Variants in PTPRD observed in about 807,000 individuals in gnomAD.
PTPRD encodes receptor-type tyrosine-protein phosphatase delta.
PTPRD carries 34 observed loss-of-function variants against 214.5 expected under a neutral mutation model. That is an observed-to-expected ratio of 0.16 (90% CI 0.12 to 0.21). PTPRD has a LOEUF of 0.21. Ranked by LOEUF, PTPRD falls within the 10% of genes least tolerant of loss-of-function variation. PTPRD has a pLI of 1.00. For synonymous variants in PTPRD, 1,128 were observed against 845.7 expected (o/e 1.33, Z -5.79); for missense variants, 2,545 against 2,398.7 (o/e 1.06, Z -1.27).
chr9:10,300,403 C>T (rs960577579), intron 3 of PTPRD, among the ~76,000 whole-genome samples: 2 of 152,110 alleles, frequency 1.3e-5, no homozygotes, highest in African/African-American at 2.4e-5. Context: ...GGAATGCCAG[C>T]AAGACAGAAC....
intron 2 of PTPRD, among the ~76,000 whole-genome samples, chr9:10,573,735 G>GAAATAAGAAAAAATAAT (rs1484032091): frequency 6.6e-6 from 1 of 152,062 alleles, no homozygotes; most frequent in Non-Finnish European, 1.5e-5. Context: ...GTATTTTCTG[G>GAAATAAGAAAAAATAAT]AAATAAGAAA....
At chr9:10,166,003 GTATT>G (rs2099156691) in intron 3 of PTPRD, among the ~76,000 whole-genome samples, 1 of 148,696 alleles carries the variant, frequency 6.7e-6, no homozygotes, top group South Asian at 2.1e-4. Context: ...AAATACAAAA[GTATT>G]TATATATAAT....
At chr9:9,260,223 T>C (rs1052704725) in intron 9 of PTPRD, among the ~76,000 whole-genome samples, 1 of 151,832 alleles carries the variant, frequency 6.6e-6, no homozygotes, top group Non-Finnish European at 1.5e-5. Context: ...AACACTGGGC[T>C]GAATAAAAGC....
At chr9:9,733,250 T>G (rs1244343577) in intron 7 of PTPRD, among the ~76,000 whole-genome samples, 1 of 152,198 alleles carries the variant, frequency 6.6e-6, no homozygotes, top group Non-Finnish European at 1.5e-5. Context: ...AGTGTATTCT[T>G]CTGGGAGGGA....
At chr9:9,896,966 A>T (rs1265158358) in intron 5 of PTPRD, among the ~76,000 whole-genome samples, 2 of 152,068 alleles carry the variant, frequency 1.3e-5, no homozygotes, top group Non-Finnish European at 2.9e-5. Context: ...TAGTTTCTCA[A>T]ATAATCTCTG....
In PTPRD at chr9:8,631,643, A is replaced by C. The variant is rs150881039; in HGVS notation, c.352+1674T>G. Among the ~76,000 whole-genome samples the C allele has an allele frequency of 9.9e-4, 151 of 152,020 alleles. 1 individual carries two copies. Among genetic ancestry groups the C allele is most frequent in the African/African-American group, 3.6e-3 (150 of 41,536 alleles). Reference sequence around the variant, plus strand: ...AGTGCTGGAAATCTCACTTGTATGCAGAAAGCTGATCTAGTCTCTGTTACT... The same window carrying C: ...AGTGCTGGAAATCTCACTTGTATGCCGAAAGCTGATCTAGTCTCTGTTACT... On this transcript the variant is annotated intron_variant, in intron 14 of 45. Transcript: ENST00000381196.
chr9:10,205,058 T>A, intron 3 of PTPRD, among the ~76,000 whole-genome samples: 1 of 152,148 alleles, frequency 6.6e-6, no homozygotes, highest in South Asian at 2.1e-4. Context: ...TTGAGAAGCT[T>A]TGTACTTGTT....
chr9:9,923,973 G>A (rs1602317598), intron 5 of PTPRD, among the ~76,000 whole-genome samples: 1 of 151,892 alleles, frequency 6.6e-6, no homozygotes, highest in African/African-American at 2.4e-5. Flanking sequence ...ACATATGAAG[G>A]ATGGAATTAA....
intron 2 of PTPRD, among the ~76,000 whole-genome samples, chr9:10,509,588 A>G (rs1267230671): frequency 4.7e-5 from 3 of 63,840 alleles, no homozygotes; most frequent in African/African-American, 2.5e-4. Context: ...TATTTTACTC[A>G]CTTACTTACT....
At chr9:10,378,239 A>G (rs1253779148) in intron 2 of PTPRD, among the ~76,000 whole-genome samples, 1 of 152,132 alleles carries the variant, frequency 6.6e-6, no homozygotes, top group East Asian at 1.9e-4. Flanking sequence ...AGCAGGTTGA[A>G]AATATAGTTT....
intron 7 of PTPRD, among the ~76,000 whole-genome samples, chr9:9,691,993 T>A (rs2097280507): frequency 6.6e-6 from 1 of 152,108 alleles, no homozygotes; most frequent in Non-Finnish European, 1.5e-5. Context: ...CCTTTGGGAT[T>A]GTTTGAACTC....
chr9:9,549,891 C>T (rs1569569195), intron 8 of PTPRD, among the ~76,000 whole-genome samples: 1 of 151,898 alleles, frequency 6.6e-6, no homozygotes, highest in Non-Finnish European at 1.5e-5. Flanking sequence ...GCAAAGATTT[C>T]TTAGACATGA....
At chr9:10,336,882 T>G (rs554232784) in intron 3 of PTPRD, among the ~76,000 whole-genome samples, 1 of 151,744 alleles carries the variant, frequency 6.6e-6, no homozygotes, top group African/African-American at 2.4e-5. Context: ...GGGACTAAAG[T>G]CATTCTCTAT....
intron 11 of PTPRD, among the ~76,000 whole-genome samples, chr9:8,930,490 C>T (rs2098944966): frequency 6.6e-6 from 1 of 152,114 alleles, no homozygotes; most frequent in African/African-American, 2.4e-5. Context: ...AATGGGATGG[C>T]TGGGTCAAAT....
chr9:9,207,341 G>A (rs756294980), intron 9 of PTPRD, among the ~76,000 whole-genome samples: 2 of 152,032 alleles, frequency 1.3e-5, no homozygotes, highest in East Asian at 1.9e-4. Context: ...CATAGAATTC[G>A]GGGTGCAGAT....
intron 4 of PTPRD, among the ~76,000 whole-genome samples, chr9:9,963,487 A>G (rs1192895330): frequency 1.3e-5 from 2 of 152,208 alleles, no homozygotes; most frequent in Non-Finnish European, 2.9e-5. Context: ...ACTTAAATGA[A>G]AATGACTGGA....
At chr9:8,662,735 T>C (rs1271261521) in intron 12 of PTPRD, among the ~76,000 whole-genome samples, 1 of 152,212 alleles carries the variant, frequency 6.6e-6, no homozygotes. Context: ...TGTAAGCATC[T>C]GAATTTGTGA....
intron 12 of PTPRD, among the ~76,000 whole-genome samples, chr9:8,640,970 T>G (rs1302297565): frequency 6.8e-6 from 1 of 147,066 alleles, no homozygotes; most frequent in African/African-American, 2.7e-5. Context: ...AGATATGAGG[T>G]AGAGAGAAGA....
intron 39 of PTPRD, among the ~76,000 whole-genome samples, chr9:8,350,827 T>C (rs892154123): frequency 3.3e-5 from 5 of 152,138 alleles, no homozygotes; most frequent in African/African-American, 1.2e-4. Flanking sequence ...CGCAGTCAAA[T>C]TTGTCCATGC....
Sources: gnomAD v4.1 joint callset for allele counts (sites outside exome capture counted in the v4.1 genomes callset) on GRCh38, gnomAD v4.1.1 for gene constraint, MANE v1.5 for transcripts, NCBI Gene and HGNC (gene_info 2026-07-23, HGNC 2026-07-21) for gene names.